RAPGEF5: variants seen among roughly 807,000 people sequenced by gnomAD.
The protein encoded by RAPGEF5 is Rap guanine nucleotide exchange factor 5, also known as M-Ras-regulated GEF.
Under a neutral mutation model 125.2 loss-of-function variants are expected in RAPGEF5, and 65 were observed. The observed-to-expected ratio is 0.52, with a 90% confidence interval of 0.43 to 0.64. The LOEUF is 0.64. Ranked by LOEUF, RAPGEF5 falls within the 30% of genes least tolerant of loss-of-function variation. The pLI, the probability that RAPGEF5 is intolerant of heterozygous loss-of-function variation, is 0.00. For missense variants in RAPGEF5, 958 were observed against 1,048.1 expected (o/e 0.91, Z 1.19); for synonymous variants, 391 against 385.9 (o/e 1.01, Z -0.16).
intron 1 of RAPGEF5, among the ~76,000 whole-genome samples, chr7:22,322,586 A>G (rs1783737570): frequency 6.6e-6 from 1 of 152,232 alleles, no homozygotes. Context: ...ACCTAGCTGC[A>G]GTTATTGTCC....
Position 22,122,492 on chromosome 7 carries a change from A to T in RAPGEF5, c.2566T>A (p.Leu856Ile). 1 of 1,613,650 alleles carries T rather than the reference A, an allele frequency of 6.2e-7. No individual in the cohort carries two copies. The highest frequency in any genetic ancestry group is 8.5e-7 in the Non-Finnish European group (1 of 1,179,772). The change falls in exon 26 of 26, where the codon TTA becomes ATA. Residue 856 changes from leucine (L) to isoleucine (I), a missense_variant. Transcript: ENST00000665637. ...GDLSPKEHQELKSYVNHLYVI... is the reference protein window; with the variant it reads ...GDLSPKEHQEIKSYVNHLYVI... ...TACAGGTGATTAACATAGGACTTTA[A>T]CTCTTGATGCTCTTTTGGAGACAGG... is the stretch of plus-strand genomic sequence containing the variant.
At chr7:22,189,414 G>A (rs1199020751) in intron 11 of RAPGEF5, among the ~76,000 whole-genome samples, 2 of 152,080 alleles carry the variant, frequency 1.3e-5, no homozygotes, top group Admixed American at 1.3e-4. Context: ...GAGGAGAAAG[G>A]GTTAACTAGC....
chr7:22,160,513 C>G lies in RAPGEF5; in HGVS notation c.1526+5G>C, dbSNP rs543651459. On this transcript the variant is annotated splice_donor_5th_base_variant and intron_variant, in intron 14 of 25. Transcript: ENST00000665637. Reference sequence around the variant, plus strand: ...TAACTATAATTAGGAAAATGAAATACTTACTGACGACGGTGCATTCCAAGT... The same window carrying G: ...TAACTATAATTAGGAAAATGAAATAGTTACTGACGACGGTGCATTCCAAGT... 6.5e-7 allele frequency: 1 copy of G among 1,538,098 alleles called. No individual in the cohort carries two copies. The highest frequency in any genetic ancestry group is 1.4e-5 in the African/African-American group (1 of 72,654).
intron 18 of RAPGEF5, among the ~76,000 whole-genome samples, chr7:22,149,702 G>A (rs1276843407): frequency 1.3e-5 from 2 of 152,102 alleles, no homozygotes; most frequent in Non-Finnish European, 2.9e-5. Context: ...TTTCTTCAAG[G>A]GAATGGAACG....
At chr7:22,242,230 A>G (rs528046847) in intron 7 of RAPGEF5, among the ~76,000 whole-genome samples, 2 of 152,302 alleles carry the variant, frequency 1.3e-5, no homozygotes, top group Non-Finnish European at 1.5e-5. Flanking sequence ...GACTGCCCCA[A>G]AGTCTGCCCC....
At chr7:22,335,729 A>G (rs993764803) in intron 1 of RAPGEF5, among the ~76,000 whole-genome samples, 13 of 147,686 alleles carry the variant, frequency 8.8e-5, no homozygotes, top group Admixed American at 2.7e-4. Context: ...CAACAACAAC[A>G]ACGAAACTTC....
At chr7:22,220,262 G>A (rs771789732) in intron 8 of RAPGEF5, 11 of 304,802 alleles carry the variant, frequency 3.6e-5, no homozygotes, top group East Asian at 5.7e-5. Flanking sequence ...CTAAGTGTGC[G>A]CCTGATAGGC....
chr7:22,199,603 G>A (rs936882715), intron 9 of RAPGEF5, among the ~76,000 whole-genome samples: 1 of 150,506 alleles, frequency 6.6e-6, no homozygotes, highest in African/African-American at 2.4e-5. Context: ...TTGTTGGCCA[G>A]GGGACACATG....
At chr7:22,130,011 G>A (rs1782866543) in intron 24 of RAPGEF5, among the ~76,000 whole-genome samples, 1 of 152,136 alleles carries the variant, frequency 6.6e-6, no homozygotes, top group South Asian at 2.1e-4. Flanking sequence ...CTTTGATCAT[G>A]GTCTGTGGTC....
At chr7:22,324,865 T>C (rs1783782771) in intron 1 of RAPGEF5, among the ~76,000 whole-genome samples, 1 of 152,154 alleles carries the variant, frequency 6.6e-6, no homozygotes, top group South Asian at 2.1e-4. Flanking sequence ...TATTTGTAAG[T>C]TTACTCTCCC....
chr7:22,204,059 C>CGG (rs1785342712), intron 9 of RAPGEF5, among the ~76,000 whole-genome samples: 1 of 152,096 alleles, frequency 6.6e-6, no homozygotes, highest in African/African-American at 2.4e-5. Context: ...ATATTTGTCC[C>CGG]GTGGGGTTTG....
chr7:22,294,476 C>T (rs988443785), intron 5 of RAPGEF5, among the ~76,000 whole-genome samples: 2 of 152,136 alleles, frequency 1.3e-5, no homozygotes, highest in South Asian at 2.1e-4. Flanking sequence ...TGTGAGGATG[C>T]AGAGATGACA....
intron 7 of RAPGEF5, among the ~76,000 whole-genome samples, chr7:22,247,389 A>G (rs1040962601): frequency 6.6e-6 from 1 of 152,178 alleles, no homozygotes; most frequent in African/African-American, 2.4e-5. Flanking sequence ...CCCTCGTGTC[A>G]TGGGAGAGAC....
At chr7:22,335,629 G>A (rs1784011410) in intron 1 of RAPGEF5, among the ~76,000 whole-genome samples, 1 of 148,790 alleles carries the variant, frequency 6.7e-6, no homozygotes, top group Non-Finnish European at 1.5e-5. Flanking sequence ...AGGGTGGGGG[G>A]ACACACAGAA....
intron 9 of RAPGEF5, 75 bp downstream of exon 9, chr7:22,219,791 T>C (rs1785734769): frequency 6.8e-7 from 1 of 1,479,380 alleles, no homozygotes; most frequent in Non-Finnish European, 9.0e-7. Context: ...AAATAGTCTT[T>C]CGTTCAAACA....
At chr7:22,243,025 G>A (rs1171771917) in intron 7 of RAPGEF5, among the ~76,000 whole-genome samples, 1 of 151,610 alleles carries the variant, frequency 6.6e-6, no homozygotes, top group Non-Finnish European at 1.5e-5. Context: ...ATTGCTCAGT[G>A]ACAGTGGGTA....
intron 1 of RAPGEF5, among the ~76,000 whole-genome samples, chr7:22,319,053 G>A (rs1783661913): frequency 6.6e-6 from 1 of 152,038 alleles, no homozygotes; most frequent in African/African-American, 2.4e-5. Context: ...GATTTGAATT[G>A]TAGGAGCTAA....
intron 23 of RAPGEF5, among the ~76,000 whole-genome samples, chr7:22,133,238 A>G (rs879295197): frequency 3.9e-5 from 6 of 152,120 alleles, no homozygotes; most frequent in Admixed American, 2.0e-4. Flanking sequence ...GAAGGTGTCA[A>G]GGGTGCTGGC....
At chr7:22,264,304 C>T (rs1782230867) in intron 7 of RAPGEF5, among the ~76,000 whole-genome samples, 1 of 152,106 alleles carries the variant, frequency 6.6e-6, no homozygotes, top group African/African-American at 2.4e-5. Flanking sequence ...TTTATGTCCC[C>T]ATCATTAGTA....
Sources: gnomAD v4.1 joint callset for allele counts (sites outside exome capture counted in the v4.1 genomes callset) on GRCh38, gnomAD v4.1.1 for gene constraint, MANE v1.5 for transcripts, NCBI Gene and HGNC (gene_info 2026-07-23, HGNC 2026-07-21) for gene names.